PALLD: variants seen among roughly 807,000 people sequenced by gnomAD.
PALLD encodes palladin.
A neutral mutation model predicts 123.5 loss-of-function variants in PALLD; 61 were observed. That is an observed-to-expected ratio of 0.49 (90% CI 0.40 to 0.61). PALLD has a LOEUF of 0.61. PALLD is among the 20% of genes least tolerant of loss of function. The probability of loss-of-function intolerance (pLI) is 0.00; values close to 1 mark genes in which losing one functional copy is unlikely to be tolerated. For synonymous variants in PALLD, 465 were observed against 496.4 expected (o/e 0.94, Z 0.84); for missense variants, 1,273 against 1,377.0 (o/e 0.92, Z 1.20).
intron 2 of PALLD, among the ~76,000 whole-genome samples, chr4:168,560,707 A>C (rs1341813469): frequency 1.3e-5 from 2 of 152,160 alleles, no homozygotes; most frequent in Non-Finnish European, 2.9e-5. Context: ...TTCAACCAAC[A>C]TTTGAGTTCC....
intron 2 of PALLD, among the ~76,000 whole-genome samples, chr4:168,517,706 A>G (rs2320075): frequency 0.74 from 112,624 of 152,112 alleles, 41,917 homozygotes; most frequent in East Asian, 0.86. Context: ...TAGCAACAGC[A>G]CCACTAGCCA....
intron 10 of PALLD, among the ~76,000 whole-genome samples, chr4:168,749,465 G>A (rs1193200653): frequency 6.6e-6 from 1 of 151,276 alleles, no homozygotes; most frequent in Non-Finnish European, 1.5e-5. Flanking sequence ...TCAACACTTT[G>A]GGAGGCCGAG....
chr4:168,729,590 T>G (rs1291349136), intron 10 of PALLD, among the ~76,000 whole-genome samples: 1 of 152,180 alleles, frequency 6.6e-6, no homozygotes, highest in African/African-American at 2.4e-5. Context: ...TACTGCTCCC[T>G]AGGATCAATG....
intron 8 of PALLD, among the ~76,000 whole-genome samples, chr4:168,694,278 T>C (rs1782928701): frequency 1.3e-5 from 2 of 152,346 alleles, no homozygotes; most frequent in African/African-American, 2.4e-5. Flanking sequence ...AGGCAAGAGA[T>C]AAATTTTATA....
Position 168,690,611 on chromosome 4 carries a change from A to G in PALLD, c.1344A>G (p.Gln448=). The G allele has an allele frequency of 6.2e-7, 1 of 1,614,220 alleles. No individual in the cohort carries two copies. The highest frequency in any genetic ancestry group is 8.5e-7 in the Non-Finnish European group (1 of 1,180,044). Residue 448 remains glutamine (Q), a synonymous_variant, in exon 7 of 22, where the codon CAA becomes CAG. Transcript: ENST00000505667. ...YFPPVFTKEL[Q]NTAVAEGQVV... The stretch of plus-strand genomic sequence containing the variant: ...ATTTCCTTGAATTTCAGGAACTGCA[A>G]AACACAGCCGTGGCGGAAGGCCAGG...
chr4:168,700,545 C>G (rs947950345), intron 8 of PALLD: 1 of 152,158 alleles, frequency 6.6e-6, no homozygotes, highest in African/African-American at 2.4e-5. Flanking sequence ...TTTTACAAAG[C>G]AAGTGTTTTT....
chr4:168,609,345 CA>C (rs5863949), intron 2 of PALLD, among the ~76,000 whole-genome samples: 85 of 71,602 alleles, frequency 1.2e-3, no homozygotes, highest in Middle Eastern at 0.011. Context: ...AAGCTGTTAC[CA>C]AAAAAAAAAA....
intron 10 of PALLD, among the ~76,000 whole-genome samples, chr4:168,805,557 G>A (rs1180149157): frequency 6.6e-6 from 1 of 152,120 alleles, no homozygotes. Context: ...AAGCATGCAG[G>A]GCTCTTGCAC....
At chr4:168,518,693 T>C (rs559600573) in intron 2 of PALLD, among the ~76,000 whole-genome samples, 1 of 152,356 alleles carries the variant, frequency 6.6e-6, no homozygotes, top group South Asian at 2.1e-4. Flanking sequence ...AGGTCCTGCC[T>C]ACCTTACTCT....
intron 17 of PALLD, among the ~76,000 whole-genome samples, chr4:168,917,470 A>T (rs995281979): frequency 2.0e-5 from 3 of 152,230 alleles, no homozygotes; most frequent in Non-Finnish European, 4.4e-5. Flanking sequence ...AAAGGAGTTT[A>T]GGGAAAAAAT....
In PALLD at chr4:168,924,997, AAAG is replaced by A; in HGVS notation, c.3282_3284del (p.Glu1094del). Reference sequence around the variant, plus strand: ...CTGCCTGCTCATTCAGGGAGCCACAAAAGAAGATGCTGGGTGGTATACTGTGTC... The same window carrying A: ...CTGCCTGCTCATTCAGGGAGCCACAAAAGATGCTGGGTGGTATACTGTGTC... On this transcript the variant is annotated inframe_deletion, in exon 20 of 22. Coordinates refer to ENST00000505667, the MANE Select transcript of PALLD (RefSeq NM_001166108.2). The A allele has an allele frequency of 6.2e-7, 1 of 1,614,144 alleles. No individual in the cohort carries two copies. The highest frequency in any genetic ancestry group is 8.5e-7 in the Non-Finnish European group (1 of 1,179,984).
chr4:168,786,529 A>C (rs1477086961), intron 10 of PALLD, among the ~76,000 whole-genome samples: 2 of 152,110 alleles, frequency 1.3e-5, no homozygotes, highest in African/African-American at 2.4e-5. Flanking sequence ...TTTTTAAAAA[A>C]ATTATCCAGG....
At chr4:168,711,514 C>T (rs1176910607) in intron 9 of PALLD, 67 bp from the exon 10 acceptor site, 6 of 1,074,272 alleles carry the variant, frequency 5.6e-6, no homozygotes, top group East Asian at 2.4e-5. Context: ...AAGACTCTGA[C>T]AGTGTGAAAT....
chr4:168,809,130 T>C (rs1018662951), intron 10 of PALLD, among the ~76,000 whole-genome samples: 1 of 152,186 alleles, frequency 6.6e-6, no homozygotes, highest in Non-Finnish European at 1.5e-5. Flanking sequence ...TTACAGGGAA[T>C]GGTCTATGAC....
chr4:168,836,617 G>C (rs140939572), intron 10 of PALLD, among the ~76,000 whole-genome samples: 5 of 152,268 alleles, frequency 3.3e-5, no homozygotes, highest in African/African-American at 9.6e-5. Context: ...ATTAGAGAAC[G>C]GGGATCAGGC....
chr4:168,609,116 T>C (rs1394818328), intron 2 of PALLD, among the ~76,000 whole-genome samples: 2 of 152,104 alleles, frequency 1.3e-5, no homozygotes, highest in Non-Finnish European at 2.9e-5. Context: ...ATTCAGACGC[T>C]GTGGCTCGGG....
At chr4:168,854,082 C>T (rs551220661) in intron 10 of PALLD, among the ~76,000 whole-genome samples, 2 of 152,204 alleles carry the variant, frequency 1.3e-5, no homozygotes, top group South Asian at 2.1e-4. Flanking sequence ...AACAGAGGTA[C>T]GAAAGATTAA....
intron 2 of PALLD, among the ~76,000 whole-genome samples, chr4:168,641,614 C>T (rs3109203): frequency 0.12 from 18,122 of 152,144 alleles, 1,193 homozygotes; most frequent in Non-Finnish European, 0.15. Flanking sequence ...GCTTTGATCC[C>T]ACTCAGGTCT....
intron 2 of PALLD, among the ~76,000 whole-genome samples, chr4:168,561,016 A>C (rs1233280888): frequency 6.6e-6 from 1 of 152,146 alleles, no homozygotes; most frequent in Non-Finnish European, 1.5e-5. Flanking sequence ...ACACATCTGC[A>C]GTCAAGAGGG....
Sources: gnomAD v4.1 joint callset for allele counts (sites outside exome capture counted in the v4.1 genomes callset) on GRCh38, gnomAD v4.1.1 for gene constraint, MANE v1.5 for transcripts, NCBI Gene and HGNC (gene_info 2026-07-23, HGNC 2026-07-21) for gene names.